The following FARP2 variants were observed in gnomAD, a reference collection of about 807,000 sequenced individuals.
The protein encoded by FARP2 is FERM, ARH/RhoGEF and pleckstrin domain protein 2, also known as FERM, ARHGEF and pleckstrin domain-containing protein 2.
A neutral mutation model predicts 130.5 loss-of-function variants in FARP2; 111 were observed. The observed-to-expected ratio is 0.85, with a 90% CI of 0.73 to 1.00. The LOEUF (loss-of-function observed/expected upper bound fraction) is 1.00, where lower values mean the gene tolerates loss of function less well. Ranked by LOEUF, FARP2 falls within the 50% of genes least tolerant of loss-of-function variation. The pLI is 0.00. For missense variants in FARP2, 1,385 were observed against 1,346.3 expected, an observed-to-expected ratio of 1.03 and a Z score of -0.45; for synonymous variants, 504 against 516.9, an observed-to-expected ratio of 0.98 and a Z score of 0.34.
rs192916994 is a variant in FARP2 at position 241,425,572 on chromosome 2, A to T, written c.772-6107A>T. Among the ~76,000 whole-genome samples the T allele has an allele frequency of 1.1e-3, 171 of 150,982 alleles. 1 individual carries two copies. The highest frequency in any genetic ancestry group is 3.7e-3 in the African/African-American group (154 of 41,136). On this transcript the variant is annotated intron_variant, in intron 8 of 26. Coordinates refer to ENST00000264042, the MANE Select transcript of FARP2 (RefSeq NM_014808.4). ...AACGGGGCTTTCCGAGCCAGGGGGA[A>T]ATTGAATCCCTGAATAGACTAGAAA... is the stretch of plus-strand genomic sequence containing the variant.
intron 9 of FARP2, among the ~76,000 whole-genome samples, 168 bp downstream of exon 9, chr2:241,431,942 C>T (rs1263557830): frequency 6.6e-6 from 1 of 152,150 alleles, no homozygotes; most frequent in Non-Finnish European, 1.5e-5. Flanking sequence ...CTGCCTCAGC[C>T]TCCCAAGTAG....
rs2063844009 is a variant in FARP2, at chr2:241,456,601, A to G, written c.1412-146A>G. ...TGTCATGTTTAGAATTGTGTGTGAT[A>G]GAGGCTGTACATACACATTTTACAG... On this transcript the variant is annotated intron_variant, in intron 13 of 26. Transcript: ENST00000264042. 9.9e-6 allele frequency: 7 copies of G among 704,966 alleles called. No individual in the cohort carries two copies. In the South Asian group the frequency reaches 1.2e-4, roughly 12 times the overall value. 43.7% of individuals were successfully genotyped at this position (704,966 alleles called of 1,614,324 possible). A position where few individuals can be genotyped will look rare whatever the true frequency, so the allele number is the denominator to read the frequency against.
rs758539172 is a variant in FARP2 at position 241,493,428 on chromosome 2, A to C, written c.3031A>C (p.Lys1011Gln). The C allele has an allele frequency of 1.9e-6, 3 of 1,613,860 alleles. No individual in the cohort carries two copies. In the Admixed American group the frequency reaches 5.0e-5, roughly 27 times the overall value. ...SHVYFFRAESKYTFERWMEVI... is the reference protein window; with the variant it reads ...SHVYFFRAESQYTFERWMEVI... The stretch of plus-strand genomic sequence containing the variant: ...CGTCTACTTCTTCCGGGCTGAGAGC[A>C]AGTACACATTTGAAAGGTAATTTTG... Residue 1011 changes from lysine (K) to glutamine (Q), a missense_variant, in exon 26 of 27, where the codon AAG (lysine) becomes CAG (glutamine). Coordinates refer to ENST00000264042, the MANE Select transcript of FARP2 (RefSeq NM_014808.4).
At chr2:241,402,318 C>T (rs2062190454) in intron 2 of FARP2, among the ~76,000 whole-genome samples, 1 of 152,218 alleles carries the variant, frequency 6.6e-6, no homozygotes, top group Non-Finnish European at 1.5e-5. Flanking sequence ...TTGGCATCAT[C>T]ATTCTAACCC....
At chr2:241,460,141 G>A (rs926911786) in intron 14 of FARP2, among the ~76,000 whole-genome samples, 1 of 152,206 alleles carries the variant, frequency 6.6e-6, no homozygotes, top group South Asian at 2.1e-4. Context: ...CCAACAGTTT[G>A]TGGGGCATTA....
rs372076458 is a variant in FARP2 at position 241,491,688 on chromosome 2, G to T, written c.2787+9G>T. 6.3e-7 allele frequency: 1 copy of T among 1,582,978 alleles called. No homozygotes were observed. Among genetic ancestry groups the T allele is most frequent in the Non-Finnish European group, 8.6e-7 (1 of 1,162,100 alleles). ...ACAGTGCAGCTGTCGAGGTACGACCGCATGAGCACCACCTCAGTGCATCTG... is the reference window on the plus strand; with the variant it reads ...ACAGTGCAGCTGTCGAGGTACGACCTCATGAGCACCACCTCAGTGCATCTG... On this transcript the variant is annotated intron_variant, in intron 24 of 26. Transcript: ENST00000264042.
chr2:241,428,475 C>T (rs568519464), intron 8 of FARP2, among the ~76,000 whole-genome samples: 8 of 151,942 alleles, frequency 5.3e-5, no homozygotes, highest in South Asian at 4.2e-4. Flanking sequence ...GGATCACAGG[C>T]GTCAGCCACA....
At chr2:241,445,922 CAG>C (rs2063504573) in intron 13 of FARP2, 2 of 152,206 alleles carry the variant, frequency 1.3e-5, no homozygotes, top group African/African-American at 4.8e-5. Context: ...TGTGTCTACT[CAG>C]AGGGGACGCA....
At chr2:241,364,413 G>A (rs1398553316) in intron 1 of FARP2, among the ~76,000 whole-genome samples, 1 of 152,158 alleles carries the variant, frequency 6.6e-6, no homozygotes, top group Non-Finnish European at 1.5e-5. Context: ...GACCTTTTGA[G>A]ACCCTAAGCA....
chr2:241,472,073 G>T (rs950916505), intron 18 of FARP2, among the ~76,000 whole-genome samples: 7 of 151,788 alleles, frequency 4.6e-5, no homozygotes, highest in African/African-American at 1.7e-4. Context: ...CATTTTGAGG[G>T]GATCCTGTTC....
chr2:241,428,238 T>TA (rs909180184), intron 8 of FARP2, among the ~76,000 whole-genome samples: 2 of 149,034 alleles, frequency 1.3e-5, no homozygotes, highest in African/African-American at 4.9e-5. Context: ...ATTTTACTTT[T>TA]TTTTTTTTTT....
At chr2:241,417,579 T>C (rs1293858923) in intron 7 of FARP2, among the ~76,000 whole-genome samples, 1 of 152,190 alleles carries the variant, frequency 6.6e-6, no homozygotes, top group African/African-American at 2.4e-5. Context: ...CGCCTCTGCC[T>C]CCCAAGGTGC....
chr2:241,359,289 C>T (rs770224163), intron 1 of FARP2, among the ~76,000 whole-genome samples: 11 of 152,138 alleles, frequency 7.2e-5, no homozygotes, highest in African/African-American at 1.4e-4. Flanking sequence ...CAAAAAGGCC[C>T]TATAATGTTG....
chr2:241,436,338 C>G (rs2063229572), intron 11 of FARP2, 143 bp from the exon 12 acceptor site: 3 of 691,168 alleles, frequency 4.3e-6, no homozygotes, highest in Admixed American at 4.5e-5. Context: ...TTTCCATTCT[C>G]CTGCCCCTTT....
At chr2:241,368,248 A>G (rs768758331) in intron 1 of FARP2, among the ~76,000 whole-genome samples, 7 of 152,150 alleles carry the variant, frequency 4.6e-5, no homozygotes, top group Non-Finnish European at 8.8e-5. Flanking sequence ...ACTGCAAAGC[A>G]TTTCATTCAC....
At chr2:241,384,141 C>T (rs1575483023) in intron 2 of FARP2, among the ~76,000 whole-genome samples, 1 of 151,530 alleles carries the variant, frequency 6.6e-6, no homozygotes, top group Non-Finnish European at 1.5e-5. Flanking sequence ...CACCCAAAGA[C>T]AGCTTTTCTA....
intron 20 of FARP2, 102 bp downstream of exon 20, chr2:241,483,635 A>G (rs1409888409): frequency 7.5e-7 from 1 of 1,342,210 alleles, no homozygotes; most frequent in Non-Finnish European, 1.1e-6. Flanking sequence ...GCCTCTGGGT[A>G]GTTTAGCACT....
At chr2:241,380,830 A>C (rs953191091) in intron 2 of FARP2, among the ~76,000 whole-genome samples, 1 of 151,746 alleles carries the variant, frequency 6.6e-6, no homozygotes, top group Non-Finnish European at 1.5e-5. Context: ...TCTTGGCCCA[A>C]CTCCCTGCAA....
At position 241,361,904 on chromosome 2, in the gene FARP2, A is replaced by AT. The variant is rs1361882147; in HGVS notation, c.-25+5525dup. 2.7e-4 allele frequency among the ~76,000 whole-genome samples: 40 copies of AT among 149,168 alleles called. 1 individual carries two copies. Among genetic ancestry groups the AT allele is most frequent in the Admixed American group, 2.1e-3 (31 of 14,994 alleles). ...TATTATTTTTATTTTTTATTTATTTATTTTTTTTTAGACAGAGTTTCACTC... is the reference window on the plus strand; with the variant it reads ...TATTATTTTTATTTTTTATTTATTTATTTTTTTTTTAGACAGAGTTTCACTC... On this transcript the variant is annotated intron_variant, in intron 1 of 26. Coordinates refer to ENST00000264042, the MANE Select transcript of FARP2 (RefSeq NM_014808.4).
Sources: gnomAD v4.1 joint callset for allele counts (sites outside exome capture counted in the v4.1 genomes callset) on GRCh38, gnomAD v4.1.1 for gene constraint, MANE v1.5 for transcripts, NCBI Gene and HGNC (gene_info 2026-07-23, HGNC 2026-07-21) for gene names.